The following SIMC1 variants were observed in gnomAD, a reference collection of about 807,000 sequenced individuals.
The protein encoded by SIMC1 is SUMO-interacting motif-containing protein 1.
In SIMC1, 55 loss-of-function variants were observed where a neutral mutation model predicts 82.3. That is an observed-to-expected ratio of 0.67 (90% CI 0.54 to 0.84). The LOEUF is 0.84. Among genes scored for constraint, SIMC1 ranks in the 40% least tolerant of loss-of-function variants. SIMC1 has a pLI of 0.00. For missense variants in SIMC1, 915 were observed against 1,107.2 expected, an observed-to-expected ratio of 0.83 and a Z score of 2.46; for synonymous variants, 353 against 426.3, an observed-to-expected ratio of 0.83 and a Z score of 2.12.
chr5:176,286,236 ATAC>A (rs1336592221), intron 1 of SIMC1, among the ~76,000 whole-genome samples: 7 of 152,418 alleles, frequency 4.6e-5, no homozygotes, highest in African/African-American at 1.7e-4. Flanking sequence ...ACTTCAAGCT[ATAC>A]TACAAGGCTA....
At chr5:176,315,875 A>T (rs772470528) in intron 5 of SIMC1, among the ~76,000 whole-genome samples, 13 of 152,192 alleles carry the variant, frequency 8.5e-5, no homozygotes, top group Non-Finnish European at 1.8e-4. Flanking sequence ...GCATAGTTGA[A>T]TTTTAAAGCA....
At chr5:176,306,070 T>C (rs1484568343) in intron 4 of SIMC1, among the ~76,000 whole-genome samples, 2 of 77,018 alleles carry the variant, frequency 2.6e-5, no homozygotes, top group African/African-American at 1.0e-4. Context: ...AGCCGCTCCG[T>C]CCGGGAGGTG....
chr5:176,247,000 G>A (rs970548315), intron 1 of SIMC1, among the ~76,000 whole-genome samples: 7 of 151,956 alleles, frequency 4.6e-5, no homozygotes, highest in East Asian at 1.9e-4. Flanking sequence ...TTCTTTATGC[G>A]TCTATCATTG....
At chr5:176,330,703 C>T (rs771173254) in intron 7 of SIMC1, among the ~76,000 whole-genome samples, 7 of 152,082 alleles carry the variant, frequency 4.6e-5, no homozygotes, top group Non-Finnish European at 8.8e-5. Flanking sequence ...CCCTTTCTTA[C>T]AGTAAAAAGC....
At chr5:176,285,481 C>T (rs1343212816) in intron 1 of SIMC1, among the ~76,000 whole-genome samples, 2 of 152,114 alleles carry the variant, frequency 1.3e-5, no homozygotes, top group East Asian at 1.9e-4. Context: ...ATTGATGGGA[C>T]GTATCTCAAA....
Position 176,299,509 on chromosome 5 carries a change from C to T in SIMC1, c.1734+3189C>T, listed in dbSNP as rs183097794. ...GCTATACTAATATAAGACAAAAAGACTTTAAGTCAAAAACTGTTACAAGTG... is the reference window on the plus strand; with the variant it reads ...GCTATACTAATATAAGACAAAAAGATTTTAAGTCAAAAACTGTTACAAGTG... On this transcript the variant is annotated intron_variant, in intron 4 of 9. Coordinates refer to ENST00000429602, the MANE Select transcript of SIMC1 (RefSeq NM_001308195.2). Among the ~76,000 whole-genome samples, 194 of 152,146 alleles carry T rather than the reference C, an allele frequency of 1.3e-3. 1 individual carries two copies. The highest frequency in any genetic ancestry group is 4.5e-3 in the African/African-American group (188 of 41,504).
chr5:176,276,449 C>CT (rs373839606), intron 1 of SIMC1, among the ~76,000 whole-genome samples: 1,647 of 145,444 alleles, frequency 0.011, 38 homozygotes, highest in African/African-American at 0.022. Context: ...ATTTTTTTTT[C>CT]TTTTTTTTTT....
intron 4 of SIMC1, among the ~76,000 whole-genome samples, chr5:176,300,580 C>G (rs1764000493): frequency 6.6e-6 from 1 of 151,226 alleles, no homozygotes; most frequent in South Asian, 2.1e-4. Context: ...CCTTTGCCTC[C>G]CAGAGTACTA....
At chr5:176,269,305 T>G (rs1386500706) in intron 1 of SIMC1, among the ~76,000 whole-genome samples, 1 of 150,324 alleles carries the variant, frequency 6.7e-6, no homozygotes, top group African/African-American at 2.4e-5. Flanking sequence ...ATTTAAAAAA[T>G]GTTACCAATA....
rs768892287 is a variant in SIMC1 at position 176,337,068 on chromosome 5, A to G, written c.2335A>G (p.Lys779Glu). 12 of 1,614,002 alleles carry G rather than the reference A, an allele frequency of 7.4e-6. No individual in the cohort carries two copies. Among genetic ancestry groups the G allele is most frequent in the Non-Finnish European group, 1.0e-5 (12 of 1,179,852 alleles). The change falls in exon 9 of 10, where the codon AAA becomes GAA. Residue 779 changes from lysine to glutamate, a missense_variant. Physicochemically the swap from Lys to Glu is moderately conservative, Grantham distance 56 (BLOSUM62 1). Around this residue, in one of 2 missense-constraint regions of SIMC1, gnomAD observed 902 missense variants for 1,040.3 expected, o/e 0.87. Transcript: ENST00000429602. ...STSLLKCQSD[K>E]SQWQTWDELV... ...CATTTTACTATCTCTGCAGTCAGAT[A>G]AAAGCCAGTGGCAGACTTGGGACGA...
chr5:176,331,902 G>GA (rs1554115588), intron 7 of SIMC1, among the ~76,000 whole-genome samples: 2 of 151,800 alleles, frequency 1.3e-5, no homozygotes, highest in Non-Finnish European at 2.9e-5. Flanking sequence ...CCAGGAGGCC[G>GA]AGGCTGCAGT....
rs374328101 is a variant in SIMC1, at chr5:176,336,809, G to T, written c.2261G>T (p.Arg754Leu). 3.7e-6 allele frequency: 6 copies of T among 1,613,756 alleles called. No individual in the cohort carries two copies. In the South Asian group the frequency reaches 5.5e-5, roughly 15 times the overall value. The part of the protein sequence containing the change: ...IFLHSCETPT[R>L]LPLSLAQALY... ...CTCCACAGCTGTGAGACACCCACCCGCCTGCCTCTGTCTCTGGCCCAGGCC... is the reference window on the plus strand; with the variant it reads ...CTCCACAGCTGTGAGACACCCACCCTCCTGCCTCTGTCTCTGGCCCAGGCC... Residue 754 changes from arginine to leucine, a missense_variant, in exon 8 of 10, where the codon CGC becomes CTC. Physicochemically the swap from Arg to Leu is moderately radical, Grantham distance 102 (BLOSUM62 -2). Around this residue, in one of 2 missense-constraint regions of SIMC1, gnomAD observed 902 missense variants for 1,040.3 expected, o/e 0.87. Transcript: ENST00000429602.
chr5:176,334,900 T>A (rs1390371623), intron 7 of SIMC1, among the ~76,000 whole-genome samples: 1 of 152,038 alleles, frequency 6.6e-6, no homozygotes, highest in Admixed American at 6.6e-5. Context: ...GAGACCAGCC[T>A]GGCCAACATG....
chr5:176,262,650 T>C (rs528065982), intron 1 of SIMC1, among the ~76,000 whole-genome samples: 266 of 152,174 alleles, frequency 1.7e-3, no homozygotes, highest in African/African-American at 6.3e-3. Context: ...ACTAAAAATA[T>C]ACAAATCAGC....
At chr5:176,273,238 A>G (rs1396114996) in intron 1 of SIMC1, among the ~76,000 whole-genome samples, 1 of 152,196 alleles carries the variant, frequency 6.6e-6, no homozygotes, top group Admixed American at 6.5e-5. Flanking sequence ...TGAAGCTTCC[A>G]GAGGAACGAT....
chr5:176,290,369 C>A lies in SIMC1; in HGVS notation c.845C>A (p.Ser282Tyr). ...RQNIPGPPQDSLGLPQDVPGL... is the reference protein window; with the variant it reads ...RQNIPGPPQDYLGLPQDVPGL... ...AATATCCCAGGCCCACCTCAAGACTCTCTGGGCCTACCTCAAGATGTGCCA... is the reference window on the plus strand; with the variant it reads ...AATATCCCAGGCCCACCTCAAGACTATCTGGGCCTACCTCAAGATGTGCCA... Residue 282 changes from serine (S) to tyrosine (Y), a missense_variant, in exon 2 of 10, where the codon TCT becomes TAT. Ser to Tyr is a moderately radical substitution (Grantham distance 144). Transcript: ENST00000429602. 1 of 1,614,006 alleles carries A rather than the reference C, an allele frequency of 6.2e-7. No homozygotes were observed. Among genetic ancestry groups the A allele is most frequent in the Non-Finnish European group, 8.5e-7 (1 of 1,179,884 alleles).
At position 176,279,481 on chromosome 5, in the gene SIMC1, T is replaced by C. The variant is rs376187551; in HGVS notation, c.130-10173T>C. 1.6e-4 allele frequency among the ~76,000 whole-genome samples: 25 copies of C among 152,080 alleles called. No homozygotes were observed. In the South Asian group the frequency reaches 5.0e-3, roughly 30 times the overall value. On this transcript the variant is annotated intron_variant, in intron 1 of 9. Transcript: ENST00000429602. ...TTTGTGTCTCTATTTCCTTCAGTTC[T>C]GCTCTGATTTTAGTTATTTCTTGCC... is the stretch of plus-strand genomic sequence containing the variant.
intron 1 of SIMC1, among the ~76,000 whole-genome samples, chr5:176,273,523 C>CT (rs1213825407): frequency 1.3e-5 from 2 of 152,064 alleles, no homozygotes; most frequent in African/African-American, 4.8e-5. Context: ...TTTTTTTATA[C>CT]TTTAAGTTTT....
chr5:176,277,645 T>C lies in SIMC1; in HGVS notation c.130-12009T>C, dbSNP rs1361803274. Among the ~76,000 whole-genome samples, 10 of 152,108 alleles carry C rather than the reference T, an allele frequency of 6.6e-5. 1 individual carries two copies. The highest frequency in any genetic ancestry group is 1.2e-4 in the African/African-American group (5 of 41,436). ...TTTGTATAAGGTGTAAGGAAGGGAT[T>C]CAGTTTCAGCTTTCTACATATGGCT... On this transcript the variant is annotated intron_variant, in intron 1 of 9. Coordinates refer to ENST00000429602, the MANE Select transcript of SIMC1 (RefSeq NM_001308195.2).
Sources: gnomAD v4.1 joint callset for allele counts (sites outside exome capture counted in the v4.1 genomes callset) on GRCh38, gnomAD v4.1.1 for gene constraint, gnomAD v4.1.1 regional missense constraint, MANE v1.5 for transcripts, NCBI Gene and HGNC (gene_info 2026-07-23, HGNC 2026-07-21) for gene names.